Variants in GSE1 observed in about 807,000 individuals in gnomAD.
GSE1 encodes the protein Gse1 coiled-coil protein.
GSE1 carries 32 observed loss-of-function variants against 112.6 expected under a neutral mutation model. The observed-to-expected ratio is 0.28, with a 90% confidence interval of 0.21 to 0.38. GSE1 has a LOEUF of 0.38. GSE1 is among the 10% of genes least tolerant of loss of function. The pLI is 1.00. For missense variants in GSE1, 2,348 were observed against 1,699.2 expected, an observed-to-expected ratio of 1.38 and a Z score of -6.71; for synonymous variants, 1,115 against 735.6, an observed-to-expected ratio of 1.52 and a Z score of -8.35.
In GSE1 at chr16:85,187,438, A is replaced by G. The variant is rs1450567483; in HGVS notation, c.2283+15631A>G. On this transcript the variant is annotated intron_variant, in intron 1 of 2. Transcript: ENST00000637419. The stretch of plus-strand genomic sequence containing the variant: ...AGAGCCCTGCTCTGGGGGAAGAGAG[A>G]GAAGGAGTTAAAAACTTGCTTCTCA... 4.6e-5 allele frequency among the ~76,000 whole-genome samples: 7 copies of G among 152,198 alleles called. No individual in the cohort carries two copies. The South Asian group carries it at 1.2e-3, about 27-fold the overall frequency.
chr16:85,560,116 TTTC>T (rs1474991209), intron 1 of GSE1, among the ~76,000 whole-genome samples: 46 of 144,440 alleles, frequency 3.2e-4, no homozygotes, highest in Middle Eastern at 3.5e-3. Flanking sequence ...AGAGCTTTTT[TTTC>T]TTCTTCTTCT....
At chr16:85,423,275 G>T (rs1347473694) in intron 2 of GSE1, among the ~76,000 whole-genome samples, 1 of 152,376 alleles carries the variant, frequency 6.6e-6, no homozygotes, top group East Asian at 1.9e-4. Context: ...TCCTCCCTGA[G>T]TGGCAAGGCC....
intron 2 of GSE1, among the ~76,000 whole-genome samples, chr16:85,389,030 T>A (rs1002131513): frequency 6.6e-6 from 1 of 152,094 alleles, no homozygotes; most frequent in African/African-American, 2.4e-5. Context: ...CTCTGAACCA[T>A]GGAATGGCCC....
At chr16:85,399,011 G>A (rs1029047631) in intron 2 of GSE1, among the ~76,000 whole-genome samples, 4 of 152,166 alleles carry the variant, frequency 2.6e-5, no homozygotes, top group African/African-American at 9.7e-5. Flanking sequence ...GTAAGTACTT[G>A]TGTGTGGTTG....
chr16:85,439,762 GAC>G (rs1398709347), intron 2 of GSE1, among the ~76,000 whole-genome samples: 1 of 150,956 alleles, frequency 6.6e-6, no homozygotes, highest in South Asian at 2.1e-4. Context: ...CACACACACA[GAC>G]ACACACACAA....
chr16:85,317,656 G>C (rs1467013977), intron 1 of GSE1, among the ~76,000 whole-genome samples: 1 of 152,190 alleles, frequency 6.6e-6, no homozygotes, highest in Non-Finnish European at 1.5e-5. Flanking sequence ...CATGCGCCCT[G>C]CACAGCCCCC....
chr16:85,258,490 C>T (rs1567644480), intron 1 of GSE1, among the ~76,000 whole-genome samples: 1 of 151,476 alleles, frequency 6.6e-6, no homozygotes, highest in Non-Finnish European at 1.5e-5. Context: ...CCCAGCAAAG[C>T]TCAGCCCTCT....
At chr16:85,344,269 G>A (rs1199205140) in intron 1 of GSE1, among the ~76,000 whole-genome samples, 1 of 152,222 alleles carries the variant, frequency 6.6e-6, no homozygotes, top group Non-Finnish European at 1.5e-5. Context: ...GAACATTTCT[G>A]GGAGAAAGGC....
intron 1 of GSE1, among the ~76,000 whole-genome samples, chr16:85,269,627 G>A (rs1327650347): frequency 6.7e-6 from 1 of 149,176 alleles, no homozygotes; most frequent in African/African-American, 2.4e-5. Context: ...CTGCATGCCC[G>A]GCCCCTCCCC....
intron 1 of GSE1, among the ~76,000 whole-genome samples, chr16:85,243,346 A>C (rs1486839660): frequency 6.6e-6 from 1 of 152,198 alleles, no homozygotes; most frequent in Admixed American, 6.5e-5. Flanking sequence ...CTTTGCTTCT[A>C]AAGGGTGCCT....
At chr16:85,472,768 T>C (rs2050335399) in intron 2 of GSE1, among the ~76,000 whole-genome samples, 2 of 152,076 alleles carry the variant, frequency 1.3e-5, no homozygotes, top group African/African-American at 2.4e-5. Context: ...AAGGACAAGA[T>C]CCGGGAAGCT....
chr16:85,445,525 G>A (rs1166889586), intron 2 of GSE1, among the ~76,000 whole-genome samples: 3 of 152,244 alleles, frequency 2.0e-5, no homozygotes, highest in Non-Finnish European at 2.9e-5. Context: ...GGCTGGCAGC[G>A]ATCTGCTGAG....
chr16:85,507,740 A>C (rs950263507), intron 2 of GSE1, among the ~76,000 whole-genome samples: 1 of 152,218 alleles, frequency 6.6e-6, no homozygotes, highest in African/African-American at 2.4e-5. Context: ...TCACCTCTCC[A>C]AAGGCTCTGT....
intron 1 of GSE1, among the ~76,000 whole-genome samples, chr16:85,257,263 C>G (rs949666561): frequency 6.6e-6 from 1 of 152,188 alleles, no homozygotes; most frequent in Non-Finnish European, 1.5e-5. Flanking sequence ...AGCCCTGCCA[C>G]CACGCCTGGC....
chr16:85,526,914 TTGTAAA>T (rs952093948), intron 2 of GSE1, among the ~76,000 whole-genome samples: 1 of 152,246 alleles, frequency 6.6e-6, no homozygotes, highest in African/African-American at 2.4e-5. Context: ...GAATTAAGAC[TTGTAAA>T]TGTAAAATGA....
upstream of GSE1, among the ~76,000 whole-genome samples, chr16:85,552,065 G>A (rs1206879536): frequency 2.0e-5 from 3 of 149,628 alleles, no homozygotes; most frequent in African/African-American, 4.9e-5. Flanking sequence ...TCGCTCTGTC[G>A]CCCAGGCTGG....
chr16:85,287,997 C>T (rs1227534939), intron 1 of GSE1, among the ~76,000 whole-genome samples: 3 of 152,160 alleles, frequency 2.0e-5, no homozygotes, highest in South Asian at 2.1e-4. Flanking sequence ...CCCAGCACTT[C>T]GGGAGGCCGA....
At chr16:85,361,335 A>G (rs1233181740) in intron 2 of GSE1, among the ~76,000 whole-genome samples, 1 of 140,474 alleles carries the variant, frequency 7.1e-6, no homozygotes, top group Non-Finnish European at 1.5e-5. Flanking sequence ...ACAAACACAC[A>G]CACACACACA....
At chr16:85,334,139 C>A (rs1042238087) in intron 1 of GSE1, among the ~76,000 whole-genome samples, 1 of 152,178 alleles carries the variant, frequency 6.6e-6, no homozygotes, top group South Asian at 2.1e-4. Flanking sequence ...GCCCACGCGG[C>A]CTTCCTCGTC....
Sources: allele counts gnomAD v4.1 joint callset (sites outside exome capture counted in the v4.1 genomes callset), GRCh38; gene constraint gnomAD v4.1.1; transcripts MANE v1.5; gene names NCBI Gene and HGNC (gene_info 2026-07-23, HGNC 2026-07-21).